Variants in DHX58 observed in about 807,000 individuals in gnomAD.
DHX58 encodes the protein ATP-dependent RNA helicase DHX58.
DHX58 carries 51 observed loss-of-function variants against 65.0 expected under a neutral mutation model. The observed-to-expected ratio is 0.78, with a 90% CI of 0.63 to 0.99. The LOEUF is 0.99. Ranked by LOEUF, DHX58 falls within the 50% of genes least tolerant of loss-of-function variation. The pLI is 0.00. For synonymous variants in DHX58, 350 were observed against 365.0 expected (o/e 0.96, Z 0.47); for missense variants, 773 against 891.8 (o/e 0.87, Z 1.70).
At chr17:42,106,693 G>A (rs964332940) in intron 8 of DHX58, among the ~76,000 whole-genome samples, 8 of 125,216 alleles carry the variant, frequency 6.4e-5, no homozygotes, top group South Asian at 2.4e-4. Context: ...CCAGCTACTC[G>A]GGAGGCTGAG....
chr17:42,103,220 T>C (rs2054004083), intron 12 of DHX58: 1 of 236,046 alleles, frequency 4.2e-6, no homozygotes, highest in Non-Finnish European at 8.3e-6. Context: ...GAGGGTAACA[T>C]AATGAATGGA....
intron 12 of DHX58, 182 bp from the exon 13 acceptor site, chr17:42,102,494 G>A (rs899745302): frequency 2.6e-5 from 15 of 582,428 alleles, no homozygotes; most frequent in Admixed American, 1.2e-4. Context: ...TCCATCGCAC[G>A]TTCCCTTGTG....
In DHX58 at chr17:42,105,918, T is replaced by G. The variant is rs1555662569; in HGVS notation, c.1069A>C (p.Ile357Leu). ...ENPKLEMLEK[I>L]LQRQFSSSNS... Reference sequence around the variant, plus strand: ...GAGCTACTGAACTGCCTTTGCAGGATCTTTTCCAGCATCTCCAGTTTTGGA... The same window carrying G: ...GAGCTACTGAACTGCCTTTGCAGGAGCTTTTCCAGCATCTCCAGTTTTGGA... The change falls in exon 9 of 14, where the codon ATC (isoleucine) becomes CTC (leucine). Residue 357 changes from isoleucine (I) to leucine (L), a missense_variant. Coordinates refer to ENST00000251642, the MANE Select transcript of DHX58 (RefSeq NM_024119.3). 1.2e-5 allele frequency: 20 copies of G among 1,613,870 alleles called. No homozygotes were observed. The highest frequency in any genetic ancestry group is 1.7e-5 in the Non-Finnish European group (20 of 1,180,010).
At position 42,105,865 on chromosome 17, in the gene DHX58, G is replaced by C; in HGVS notation, c.1122C>G (p.Thr374=). ...GGGAGTGTGCGCTTTGGCGGGTGCG[G>C]GTGAAGATGATACCCCGAGGGCTGT... ...SSNSPRGIIF[T]RTRQSAHSLL... Residue 374 remains threonine, a synonymous_variant, in exon 9 of 14, where the codon ACC becomes ACG. Coordinates refer to ENST00000251642, the MANE Select transcript of DHX58 (RefSeq NM_024119.3). The C allele has an allele frequency of 6.2e-7, 1 of 1,614,010 alleles. No homozygotes were observed. The highest frequency in any genetic ancestry group is 8.5e-7 in the Non-Finnish European group (1 of 1,180,024).
intron 9 of DHX58, 80 bp downstream of exon 9, chr17:42,105,656 C>T: frequency 6.7e-7 from 1 of 1,491,104 alleles, no homozygotes; most frequent in Non-Finnish European, 8.9e-7. Flanking sequence ...CCCCACCTCT[C>T]TGTGCTGAAG....
chr17:42,110,837 G>A lies in DHX58; in HGVS notation c.447C>T (p.Tyr149=). ...DTVYNVIMSQ[Y]LELKLQRAQP... ...GTGCCCTCTGGAGTTTAAGTTCTAG[G>A]TACTGGCTCATGATGACGTTGTAGA... The change falls in exon 5 of 14, where the codon TAC becomes TAT. Residue 149 remains tyrosine, a synonymous_variant. Transcript: ENST00000251642. 6.2e-7 allele frequency: 1 copy of A among 1,614,088 alleles called. No homozygotes were observed. Among genetic ancestry groups the A allele is most frequent in the Non-Finnish European group, 8.5e-7 (1 of 1,179,978 alleles).
intron 8 of DHX58, among the ~76,000 whole-genome samples, chr17:42,106,515 T>C (rs1381790800): frequency 6.6e-6 from 1 of 151,960 alleles, no homozygotes; most frequent in Non-Finnish European, 1.5e-5. Context: ...AAGGATGCCC[T>C]GGCCGGGTGC....
At chr17:42,108,583 A>C (rs2054101538) in intron 6 of DHX58, among the ~76,000 whole-genome samples, 1 of 152,222 alleles carries the variant, frequency 6.6e-6, no homozygotes, top group Non-Finnish European at 1.5e-5. Flanking sequence ...AACCCCTGCA[A>C]GGGACAGCCG....
intron 2 of DHX58, 31 bp from the exon 3 acceptor site, chr17:42,111,924 ACTC>A (rs1568007194): frequency 3.2e-6 from 5 of 1,576,870 alleles, no homozygotes; most frequent in Admixed American, 1.7e-5. Context: ...AGACCCACCG[ACTC>A]CTCCACCCCT....
At position 42,111,731 on chromosome 17, in the gene DHX58, G is replaced by C. The variant is rs1555664343; in HGVS notation, c.162C>G (p.Val54=). Reference sequence around the variant, plus strand: ...GTAGGGACAGACCACTCACCCTGTTGACCAATACAACCACCTTGGCTCCAT... The same window carrying C: ...GTAGGGACAGACCACTCACCCTGTTCACCAATACAACCACCTTGGCTCCAT... ...TVDGAKVVVL[V]NRVHLVTQHG... is the part of the protein sequence containing the mutation. The change falls in exon 3 of 14, where the codon GTC becomes GTG. Residue 54 remains valine, a synonymous_variant. Coordinates refer to ENST00000251642, the MANE Select transcript of DHX58 (RefSeq NM_024119.3). 1 of 1,610,474 alleles carries C rather than the reference G, an allele frequency of 6.2e-7. No individual in the cohort carries two copies. The highest frequency in any genetic ancestry group is 8.5e-7 in the Non-Finnish European group (1 of 1,177,318).
At chr17:42,105,610 G>T in intron 9 of DHX58, 126 bp downstream of exon 9, 1 of 1,470,764 alleles carries the variant, frequency 6.8e-7, no homozygotes, top group South Asian at 1.4e-5. Flanking sequence ...TCTGCCTGGG[G>T]ATAGTCAACT....
intron 12 of DHX58, 83 bp downstream of exon 12, chr17:42,103,525 T>C: frequency 3.3e-6 from 5 of 1,522,304 alleles, no homozygotes; most frequent in Non-Finnish European, 2.7e-6. Flanking sequence ...CAATGCTCTT[T>C]AGCTTCCCAA....
In DHX58 at chr17:42,106,005, A is replaced by G; in HGVS notation, c.998-16T>C. 1 of 1,605,442 alleles carries G rather than the reference A, an allele frequency of 6.2e-7. No individual in the cohort carries two copies. Among genetic ancestry groups the G allele is most frequent in the Non-Finnish European group, 8.5e-7 (1 of 1,175,628 alleles). On this transcript the variant is annotated splice_polypyrimidine_tract_variant and intron_variant, in intron 8 of 13. Coordinates refer to ENST00000251642, the MANE Select transcript of DHX58 (RefSeq NM_024119.3). ...TTCTTGCGGTCTGTCAAAAACCCCA[A>G]AATTTAGCTGGGTGTAGTGGCACAT...
Position 42,101,845 on chromosome 17 carries a change from C to G in DHX58, c.1953G>C (p.Lys651Asn). 1.2e-6 allele frequency: 2 copies of G among 1,614,250 alleles called. No individual in the cohort carries two copies. The highest frequency in any genetic ancestry group is 1.7e-6 in the Non-Finnish European group (2 of 1,180,048). ...GCACGGAGAAGGGCACGCGGGACCA[C>G]TTTTTGGCCTGGATCCGCCCCTGAG... is the stretch of plus-strand genomic sequence containing the variant. ...ETPQGRIQAK[K>N]WSRVPFSVPD... The change falls in exon 14 of 14, where the codon AAG becomes AAC. Residue 651 changes from lysine to asparagine, a missense_variant. Physicochemically the swap from Lys to Asn is moderately conservative, Grantham distance 94 (BLOSUM62 0). Coordinates refer to ENST00000251642, the MANE Select transcript of DHX58 (RefSeq NM_024119.3).
intron 6 of DHX58, 84 bp downstream of exon 6, chr17:42,109,186 A>T: frequency 1.8e-6 from 2 of 1,138,312 alleles, no homozygotes; most frequent in Non-Finnish European, 2.5e-6. Context: ...TCACAGAGCT[A>T]GTGAGGGCAG....
In DHX58 at chr17:42,111,466, A is replaced by T. The variant is rs963849753; in HGVS notation, c.200T>A (p.Phe67Tyr). 17 of 1,614,106 alleles carry T rather than the reference A, an allele frequency of 1.1e-5. No individual in the cohort carries two copies. In the East Asian group the frequency reaches 3.8e-4, roughly 36 times the overall value. Residue 67 changes from phenylalanine (F) to tyrosine (Y), a missense_variant, in exon 4 of 14, where the codon TTC becomes TAC. By Grantham distance (22) the Phe-to-Tyr change is conservative (BLOSUM62 3). Transcript: ENST00000251642. ...CCAGCGTCCATCCAGCATGCGCCTG[A>T]ACTCTTCACCATGCTGGGTCACCAG... ...VHLVTQHGEE[F>Y]RRMLDGRWTV...
chr17:42,102,317 A>AGAG lies in DHX58; in HGVS notation c.1755-8_1755-6dup. The AGAG allele has an allele frequency of 6.2e-7, 1 of 1,613,592 alleles. No individual in the cohort carries two copies. Among genetic ancestry groups the AGAG allele is most frequent in the African/African-American group, 1.3e-5 (1 of 75,022 alleles). ...CTGGAGACATTATAGTAGTTCCTGGAGAGGAAGGGGGGTGGCCACAGCCCT... is the reference window on the plus strand; with the variant it reads ...CTGGAGACATTATAGTAGTTCCTGGAGAGGAGGAAGGGGGGTGGCCACAGCCCT... On this transcript the variant is annotated splice_region_variant and splice_polypyrimidine_tract_variant and intron_variant, in intron 12 of 13. Transcript: ENST00000251642.
At chr17:42,104,084 A>G (rs562396584) in intron 11 of DHX58, among the ~76,000 whole-genome samples, 1 of 152,148 alleles carries the variant, frequency 6.6e-6, no homozygotes, top group Non-Finnish European at 1.5e-5. Flanking sequence ...TTAGCCGGGC[A>G]TGGTGGCGCA....
chr17:42,109,180 A>T, intron 6 of DHX58, 90 bp downstream of exon 6: 1 of 1,068,234 alleles, frequency 9.4e-7, no homozygotes, highest in Non-Finnish European at 1.3e-6. Context: ...CTGAAGTCAC[A>T]GAGCTAGTGA....
Sources: allele counts gnomAD v4.1 joint callset (sites outside exome capture counted in the v4.1 genomes callset), GRCh38; gene constraint gnomAD v4.1.1; transcripts MANE v1.5; gene names NCBI Gene and HGNC (gene_info 2026-07-23, HGNC 2026-07-21).